Variants in NFILZ observed in about 807,000 individuals in gnomAD.
NFILZ encodes NFIL3 like protein.
chr19:8,633,877 C>T (rs531213978), intron 2 of NFILZ, among the ~76,000 whole-genome samples: 8 of 84,520 alleles, frequency 9.5e-5, no homozygotes, highest in South Asian at 4.5e-4. Flanking sequence ...TAACTTTTCT[C>T]CCTTCCTTCC....
At chr19:8,659,785 G>A (rs1288965642) in intron 3 of NFILZ, among the ~76,000 whole-genome samples, 1 of 152,118 alleles carries the variant, frequency 6.6e-6, no homozygotes, top group Admixed American at 6.6e-5. Context: ...CACGGATGAA[G>A]CTCTGGCCTG....
intron 3 of NFILZ, among the ~76,000 whole-genome samples, chr19:8,639,098 C>G (rs1393150295): frequency 6.6e-6 from 1 of 152,114 alleles, no homozygotes; most frequent in African/African-American, 2.4e-5. Context: ...CCCGACTCGG[C>G]CTCCCAAAGT....
chr19:8,666,050 T>C (rs936832956), intron 3 of NFILZ, among the ~76,000 whole-genome samples: 1 of 151,842 alleles, frequency 6.6e-6, no homozygotes, highest in Non-Finnish European at 1.5e-5. Context: ...CTCACCTTTT[T>C]TTTTTTGTCC....
At chr19:8,672,093 A>G (rs782313503) in intron 3 of NFILZ, among the ~76,000 whole-genome samples, 3 of 152,220 alleles carry the variant, frequency 2.0e-5, no homozygotes, top group Non-Finnish European at 4.4e-5. Context: ...ATTTATTCAA[A>G]TATCCATGCA....
chr19:8,656,480 CG>C (rs2043002560), intron 3 of NFILZ, among the ~76,000 whole-genome samples: 3 of 43,878 alleles, frequency 6.8e-5, no homozygotes, highest in Non-Finnish European at 9.5e-5. Context: ...CACCTTCTCC[CG>C]CAGCCCACCT....
intron 3 of NFILZ, among the ~76,000 whole-genome samples, chr19:8,640,595 T>C (rs1314434046): frequency 2.0e-5 from 3 of 151,812 alleles, no homozygotes; most frequent in Non-Finnish European, 2.9e-5. Flanking sequence ...TCCAGAAAAA[T>C]TGAGGCGGCG....
Position 8,647,586 on chromosome 19 carries a change from C to CG in NFILZ, c.-164+11840_-164+11841insG, listed in dbSNP as rs2042944580. Among the ~76,000 whole-genome samples the CG allele has an allele frequency of 4.7e-5, 7 of 147,568 alleles. 1 individual carries two copies. In the East Asian group the frequency reaches 1.6e-3, roughly 35 times the overall value. On this transcript the variant is annotated intron_variant, in intron 3 of 5. Coordinates refer to ENST00000691075, the MANE Select transcript of NFILZ (RefSeq NM_001378600.1). ...ACATTCTGTCCCCGCACCCCCCCCC[C>CG]CAAAAAAAGGGAACGAGATCATGTC...
chr19:8,680,237 C>T lies in NFILZ; in HGVS notation c.*2602C>T, dbSNP rs1253490504. Among the ~76,000 whole-genome samples the T allele has an allele frequency of 6.6e-6, 1 of 151,252 alleles. No individual in the cohort carries two copies. The highest frequency in any genetic ancestry group is 2.4e-5 in the African/African-American group (1 of 41,184). On this transcript the variant is annotated 3_prime_UTR_variant, in exon 6 of 6. Coordinates refer to ENST00000691075, the MANE Select transcript of NFILZ (RefSeq NM_001378600.1). ...AAAGGAAAAAGAAAAAATCCTGTTT[C>T]CCTTTTTGCTTTGCCCACCAAGGAG...
chr19:8,672,221 C>G (rs566217553), intron 3 of NFILZ, among the ~76,000 whole-genome samples: 16 of 151,478 alleles, frequency 1.1e-4, no homozygotes, highest in Non-Finnish European at 1.8e-4. Flanking sequence ...TCAAAAAAAT[C>G]CATGCATTTA....
chr19:8,678,173 C>CCTTT lies in NFILZ; in HGVS notation c.*539_*540insTTTC. Among the ~76,000 whole-genome samples, 1 of 48,860 alleles carries CCTTT rather than the reference C, an allele frequency of 2.0e-5. No individual in the cohort carries two copies. The highest frequency in any genetic ancestry group is 2.4e-4 in the Admixed American group (1 of 4,242). 32.1% of individuals were successfully genotyped at this position (48,860 alleles called of 152,430 possible). A position where few individuals can be genotyped will look rare whatever the true frequency, so the allele number is the denominator to read the frequency against. On this transcript the variant is annotated 3_prime_UTR_variant, in exon 6 of 6. Coordinates refer to ENST00000691075, the MANE Select transcript of NFILZ (RefSeq NM_001378600.1). ...TCCGTCCATCCATCCATCCATCCAT[C>CCTTT]CATCCATCCATCCATCCGTCCATCT...
chr19:8,649,273 A>AG (rs2042955064), intron 3 of NFILZ, among the ~76,000 whole-genome samples: 1 of 120,318 alleles, frequency 8.3e-6, no homozygotes, highest in African/African-American at 3.4e-5. Flanking sequence ...GCAATTAAGC[A>AG]ATTTTTTTTT....
In NFILZ at chr19:8,680,033, T is replaced by C. The variant is rs1458867224; in HGVS notation, c.*2398T>C. Among the ~76,000 whole-genome samples, 1 of 151,426 alleles carries C rather than the reference T, an allele frequency of 6.6e-6. No individual in the cohort carries two copies. The highest frequency in any genetic ancestry group is 2.4e-5 in the African/African-American group (1 of 41,176). On this transcript the variant is annotated 3_prime_UTR_variant, in exon 6 of 6. Coordinates refer to ENST00000691075, the MANE Select transcript of NFILZ (RefSeq NM_001378600.1). ...CAACATGATGAAGCCCCGTCTCTAG[T>C]AAAAATACAAAAATTAGCCGGGCAT...
In NFILZ at chr19:8,652,996, C is replaced by CT. The variant is rs2042973293; in HGVS notation, c.-164+17252dup. ...CCTTCCTTCCTTCCTTCCTTCCTTC[C>CT]TTCCTTCCTTCCTTCCTTTCTTTCT... On this transcript the variant is annotated intron_variant, in intron 3 of 5. Transcript: ENST00000691075. Among the ~76,000 whole-genome samples, 221 of 40,332 alleles carry CT rather than the reference C, an allele frequency of 5.5e-3. 3 individuals are homozygous for CT. The highest frequency in any genetic ancestry group is 8.4e-3 in the South Asian group (10 of 1,196). The allele number at this position is 40,332 out of a possible 152,430, so 26.5% of individuals were successfully genotyped here.
At chr19:8,674,524 A>G (rs2043102370) in intron 3 of NFILZ, among the ~76,000 whole-genome samples, 27 bp from the exon 4 acceptor site, 1 of 138,514 alleles carries the variant, frequency 7.2e-6, no homozygotes, top group Non-Finnish European at 1.5e-5. Context: ...AAGTCACAAA[A>G]CTAAACTTTT....
intron 3 of NFILZ, among the ~76,000 whole-genome samples, chr19:8,639,635 A>G (rs116681124): frequency 2.6e-3 from 389 of 152,002 alleles, no homozygotes; most frequent in African/African-American, 8.8e-3. Context: ...AAAGTACTCA[A>G]GCTTTTACCC....
intron 3 of NFILZ, among the ~76,000 whole-genome samples, chr19:8,663,750 G>GTATGTGTGTGTATGTGTGTGTGTGTGTA (rs1403759520): frequency 1.5e-5 from 2 of 136,968 alleles, no homozygotes; most frequent in African/African-American, 5.5e-5. Context: ...GTGTGTGTGT[G>GTATGTGTGTGTATGTGTGTGTGTGTGTA]TGTGTGTGTG....
At chr19:8,649,849 T>G (rs1317727344) in intron 3 of NFILZ, among the ~76,000 whole-genome samples, 1 of 151,648 alleles carries the variant, frequency 6.6e-6, no homozygotes, top group Non-Finnish European at 1.5e-5. Context: ...GCGTGGTAGC[T>G]CACGCCTGTA....
chr19:8,661,905 A>T (rs2146162130), intron 3 of NFILZ, among the ~76,000 whole-genome samples: 1 of 152,140 alleles, frequency 6.6e-6, no homozygotes, highest in Non-Finnish European at 1.5e-5. Context: ...CAAACAAAAG[A>T]TACAGTAAAA....
rs2043128516 is a variant in NFILZ, at chr19:8,678,306, TCTTC to T, written c.*676_*679del. 1.3e-5 allele frequency among the ~76,000 whole-genome samples: 2 copies of T among 151,238 alleles called. No homozygotes were observed. The highest frequency in any genetic ancestry group is 1.3e-4 in the Admixed American group (2 of 15,170). ...TATTCTCATTCATCCATGCATTTGTTCTTCCTTCTTTCTATCTAGCCATCCATTC... is the reference window on the plus strand; with the variant it reads ...TATTCTCATTCATCCATGCATTTGTTCTTCTTTCTATCTAGCCATCCATTC... On this transcript the variant is annotated 3_prime_UTR_variant, in exon 6 of 6. Transcript: ENST00000691075.
Sources: allele counts gnomAD v4.1 joint callset (sites outside exome capture counted in the v4.1 genomes callset), GRCh38; gene constraint gnomAD v4.1.1; transcripts MANE v1.5; gene names NCBI Gene and HGNC (gene_info 2026-07-23, HGNC 2026-07-21).